The following ATRNL1 variants were observed in gnomAD, a reference collection of about 807,000 sequenced individuals.
The protein encoded by ATRNL1 is attractin like 1, also known as attractin-like protein 1.
Under a neutral mutation model 182.7 loss-of-function variants are expected in ATRNL1, and 95 were observed. The observed-to-expected ratio is 0.52, with a 90% confidence interval of 0.44 to 0.62. ATRNL1 has a LOEUF of 0.62. Ranked by LOEUF, ATRNL1 falls within the 20% of genes least tolerant of loss-of-function variation. The pLI, the probability that ATRNL1 is intolerant of heterozygous loss-of-function variation, is 0.00. For synonymous variants in ATRNL1, 576 were observed against 568.3 expected, an observed-to-expected ratio of 1.01 and a Z score of -0.19; for missense variants, 1,471 against 1,679.5, an observed-to-expected ratio of 0.88 and a Z score of 2.17.
At chr10:115,541,186 C>T (rs892095203) in intron 25 of ATRNL1, among the ~76,000 whole-genome samples, 2 of 152,158 alleles carry the variant, frequency 1.3e-5, no homozygotes, top group African/African-American at 2.4e-5. Flanking sequence ...CTTATATTCA[C>T]ACTATGTAAC....
intron 27 of ATRNL1, among the ~76,000 whole-genome samples, chr10:115,763,387 A>G (rs1431474291): frequency 1.3e-5 from 2 of 152,248 alleles, no homozygotes; most frequent in African/African-American, 2.4e-5. Context: ...GTGAACAAAA[A>G]GAAAATAGAA....
intron 18 of ATRNL1, among the ~76,000 whole-genome samples, chr10:115,328,022 C>A (rs1295349188): frequency 5.3e-5 from 8 of 151,888 alleles, no homozygotes; most frequent in Non-Finnish European, 1.2e-4. Context: ...ACCAGCATGG[C>A]ACATGTATAC....
At chr10:115,275,796 A>G (rs1466833420) in intron 13 of ATRNL1, among the ~76,000 whole-genome samples, 4 of 152,126 alleles carry the variant, frequency 2.6e-5, no homozygotes, top group South Asian at 2.1e-4. Context: ...ATCTTAAAGG[A>G]CAAATCCACT....
chr10:115,373,155 T>C (rs1857484019), intron 19 of ATRNL1, among the ~76,000 whole-genome samples: 1 of 152,126 alleles, frequency 6.6e-6, no homozygotes, highest in Non-Finnish European at 1.5e-5. Context: ...TTCTTGATTT[T>C]GTTTTTAGAT....
In ATRNL1 at chr10:115,364,875, T is replaced by C. The variant is rs547036598; in HGVS notation, c.3176-29784T>C. Among the ~76,000 whole-genome samples, 207 of 151,314 alleles carry C rather than the reference T, an allele frequency of 1.4e-3. 1 individual carries two copies. Among genetic ancestry groups the C allele is most frequent in the African/African-American group, 4.8e-3 (197 of 41,054 alleles). On this transcript the variant is annotated intron_variant, in intron 19 of 28. Coordinates refer to ENST00000355044, the MANE Select transcript of ATRNL1 (RefSeq NM_207303.4). ...TTGCATCCCAGGGATGAAGCCCACT[T>C]GATCATGGTGGATAAGCTTTTTGAT...
intron 19 of ATRNL1, among the ~76,000 whole-genome samples, chr10:115,351,642 A>C (rs1274488100): frequency 2.6e-5 from 4 of 151,992 alleles, no homozygotes; most frequent in African/African-American, 2.4e-5. Context: ...ATTACGATGA[A>C]TGATCTTTTT....
chr10:115,710,267 G>A, intron 26 of ATRNL1, among the ~76,000 whole-genome samples: 1 of 152,110 alleles, frequency 6.6e-6, no homozygotes, highest in Admixed American at 6.6e-5. Flanking sequence ...ATCAGTGTAA[G>A]CCAAGATAGT....
chr10:115,585,362 C>A (rs1855449232), intron 26 of ATRNL1, among the ~76,000 whole-genome samples: 1 of 112,216 alleles, frequency 8.9e-6, no homozygotes, highest in African/African-American at 3.4e-5. Context: ...TAAAGTCTCC[C>A]ATTATTAATG....
At chr10:115,816,771 A>G (rs1555088705) in intron 27 of ATRNL1, among the ~76,000 whole-genome samples, 1 of 152,070 alleles carries the variant, frequency 6.6e-6, no homozygotes, top group Non-Finnish European at 1.5e-5. Context: ...TGTCTCTTTC[A>G]TCTGTATCAT....
intron 26 of ATRNL1, among the ~76,000 whole-genome samples, chr10:115,603,151 C>T (rs1856703006): frequency 6.6e-6 from 1 of 152,126 alleles, no homozygotes. Flanking sequence ...CGTTTCATTT[C>T]ATAGGCATAA....
intron 28 of ATRNL1, among the ~76,000 whole-genome samples, chr10:115,942,445 C>G (rs782769964): frequency 6.6e-6 from 1 of 152,206 alleles, no homozygotes; most frequent in Non-Finnish European, 1.5e-5. Flanking sequence ...CCATTTGCCA[C>G]TTTTTACAGA....
intron 20 of ATRNL1, among the ~76,000 whole-genome samples, chr10:115,413,967 A>G (rs1845266505): frequency 6.6e-6 from 1 of 152,082 alleles, no homozygotes; most frequent in African/African-American, 2.4e-5. Flanking sequence ...GCATGTATAT[A>G]CACACATATA....
At chr10:115,135,264 C>T (rs1372578440) in intron 5 of ATRNL1, among the ~76,000 whole-genome samples, 7 of 152,108 alleles carry the variant, frequency 4.6e-5, no homozygotes, top group Non-Finnish European at 1.0e-4. Context: ...TTGCAGATGA[C>T]ATGATTGTAT....
At chr10:115,808,279 CTT>C (rs1224712999) in intron 27 of ATRNL1, among the ~76,000 whole-genome samples, 2 of 152,050 alleles carry the variant, frequency 1.3e-5, no homozygotes, top group African/African-American at 4.8e-5. Context: ...ACATAAATGA[CTT>C]TGTCCAAATG....
At chr10:115,133,583 C>T (rs1845363642) in intron 5 of ATRNL1, among the ~76,000 whole-genome samples, 1 of 152,058 alleles carries the variant, frequency 6.6e-6, no homozygotes, top group Non-Finnish European at 1.5e-5. Context: ...ACTTAGACTC[C>T]CACACAATAA....
chr10:115,160,273 C>G, intron 6 of ATRNL1, 59 bp downstream of exon 6: 1 of 1,287,150 alleles, frequency 7.8e-7, no homozygotes, highest in Non-Finnish European at 1.0e-6. Flanking sequence ...TCCAAAATGT[C>G]TTTTTTTTTT....
At chr10:115,895,675 G>C (rs1023051937) in intron 28 of ATRNL1, among the ~76,000 whole-genome samples, 1 of 152,148 alleles carries the variant, frequency 6.6e-6, no homozygotes, top group Non-Finnish European at 1.5e-5. Flanking sequence ...ACTCGGACCC[G>C]GTGGTCAAAG....
intron 27 of ATRNL1, among the ~76,000 whole-genome samples, chr10:115,770,300 G>A (rs1948957186): frequency 6.6e-6 from 1 of 151,816 alleles, no homozygotes; most frequent in South Asian, 2.1e-4. Context: ...TGATTCTACT[G>A]GTAATAAAAA....
At chr10:115,769,749 C>T (rs1948941825) in intron 27 of ATRNL1, among the ~76,000 whole-genome samples, 1 of 152,148 alleles carries the variant, frequency 6.6e-6, no homozygotes, top group Non-Finnish European at 1.5e-5. Context: ...GAAATAACAG[C>T]AACCTCATAG....
Sources: allele counts gnomAD v4.1 joint callset (sites outside exome capture counted in the v4.1 genomes callset), GRCh38; gene constraint gnomAD v4.1.1; transcripts MANE v1.5; gene names NCBI Gene and HGNC (gene_info 2026-07-23, HGNC 2026-07-21).